BABAM2: variants seen among roughly 807,000 people sequenced by gnomAD.
BABAM2 encodes BRISC and BRCA1-A complex member 2.
BABAM2 carries 31 observed loss-of-function variants against 54.7 expected under a neutral mutation model. The observed-to-expected ratio is 0.57, with a 90% confidence interval of 0.43 to 0.77. The LOEUF is 0.77. Ranked by LOEUF, BABAM2 falls within the 30% of genes least tolerant of loss-of-function variation. The pLI is 0.00. For missense variants in BABAM2, 364 were observed against 455.8 expected, an observed-to-expected ratio of 0.80 and a Z score of 1.83; for synonymous variants, 167 against 162.9, an observed-to-expected ratio of 1.03 and a Z score of -0.19.
intron 6 of BABAM2, among the ~76,000 whole-genome samples, chr2:28,117,491 AG>A (rs1160663031): frequency 2.0e-5 from 3 of 152,204 alleles, no homozygotes; most frequent in African/African-American, 7.2e-5. Flanking sequence ...AACCACAGTA[AG>A]AGCAGGGACA....
At chr2:27,907,930 C>T (rs1297057279) in intron 2 of BABAM2, among the ~76,000 whole-genome samples, 1 of 152,150 alleles carries the variant, frequency 6.6e-6, no homozygotes, top group Admixed American at 6.5e-5. Flanking sequence ...TATTGATAGA[C>T]ACTTGGGTTG....
chr2:27,906,015 G>A (rs754399023), intron 2 of BABAM2, among the ~76,000 whole-genome samples: 4 of 152,158 alleles, frequency 2.6e-5, no homozygotes, highest in Non-Finnish European at 5.9e-5. Context: ...TGTCTTGAGC[G>A]GATACATGCA....
chr2:27,940,942 G>A (rs1328514799), intron 3 of BABAM2, among the ~76,000 whole-genome samples: 1 of 151,890 alleles, frequency 6.6e-6, no homozygotes, highest in Non-Finnish European at 1.5e-5. Context: ...ACCAACCCCC[G>A]ACTTCTGTTT....
At chr2:27,946,145 A>G (rs1202165214) in intron 3 of BABAM2, among the ~76,000 whole-genome samples, 2 of 152,138 alleles carry the variant, frequency 1.3e-5, no homozygotes, top group African/African-American at 2.4e-5. Context: ...CATCAGGTGT[A>G]ATTGTCAGTT....
chr2:28,139,340 A>AAAAAAAAAAAAAAAAAAAAAAG (rs1670839370), intron 7 of BABAM2, among the ~76,000 whole-genome samples: 1 of 129,396 alleles, frequency 7.7e-6, no homozygotes, highest in Non-Finnish European at 1.7e-5. Context: ...AAAAAAAAAA[A>AAAAAAAAAAAAAAAAAAAAAAG]AAAAAGAAAA....
At chr2:27,968,544 G>A (rs938482757) in intron 3 of BABAM2, among the ~76,000 whole-genome samples, 6 of 152,200 alleles carry the variant, frequency 3.9e-5, no homozygotes, top group Non-Finnish European at 5.9e-5. Context: ...CTGGGGCACC[G>A]CCTAGTGGAG....
chr2:28,338,777 A>C lies in BABAM2; in HGVS notation c.*264A>C. 2.4e-6 allele frequency: 1 copy of C among 415,608 alleles called. No individual in the cohort carries two copies. Among genetic ancestry groups the C allele is most frequent in the Non-Finnish European group, 4.4e-6 (1 of 227,226 alleles). 25.7% of individuals were successfully genotyped at this position (415,608 alleles called of 1,614,324 possible). A position where few individuals can be genotyped will look rare whatever the true frequency, so the allele number is the denominator to read the frequency against. ...GTTGGAAGAAATAAACTCACAAATT[A>C]TGGTGCAGTAATTTTCCGGGGAAAG... On this transcript the variant is annotated 3_prime_UTR_variant, in exon 12 of 12. Transcript: ENST00000379624.
chr2:28,179,889 C>G (rs1259570607), intron 7 of BABAM2, among the ~76,000 whole-genome samples: 1 of 151,770 alleles, frequency 6.6e-6, no homozygotes, highest in Non-Finnish European at 1.5e-5. Context: ...CAAAAATATA[C>G]CTAGGAATAA....
intron 3 of BABAM2, among the ~76,000 whole-genome samples, chr2:27,957,055 G>A (rs1670142026): frequency 6.6e-6 from 1 of 152,202 alleles, no homozygotes; most frequent in Admixed American, 6.5e-5. Context: ...GCTACTTAAT[G>A]TTGAAATCAG....
intron 7 of BABAM2, among the ~76,000 whole-genome samples, chr2:28,206,198 A>G (rs77810505): frequency 0.018 from 2,672 of 152,240 alleles, 68 homozygotes; most frequent in African/African-American, 0.061. Flanking sequence ...CATGGTACCT[A>G]TATTCTAGCA....
chr2:28,004,026 C>G (rs893716804), intron 4 of BABAM2, among the ~76,000 whole-genome samples: 1 of 151,344 alleles, frequency 6.6e-6, no homozygotes, highest in Non-Finnish European at 1.5e-5. Flanking sequence ...TGGGATTGCT[C>G]TGCTGTACTT....
intron 2 of BABAM2, among the ~76,000 whole-genome samples, chr2:27,926,922 T>C (rs750580320): frequency 4.6e-5 from 7 of 152,164 alleles, no homozygotes; most frequent in Admixed American, 6.5e-5. Flanking sequence ...ATCTCAAACA[T>C]TTATCATTTA....
At chr2:28,234,513 G>A (rs529065682) in intron 7 of BABAM2, among the ~76,000 whole-genome samples, 1 of 152,244 alleles carries the variant, frequency 6.6e-6, no homozygotes, top group African/African-American at 2.4e-5. Flanking sequence ...ATAATTTAAT[G>A]ACTGATTAAA....
chr2:28,026,966 A>ATT (rs1465333576), intron 5 of BABAM2, among the ~76,000 whole-genome samples: 1 of 85,052 alleles, frequency 1.2e-5, no homozygotes, highest in Non-Finnish European at 2.0e-5. Flanking sequence ...ATAAATATAT[A>ATT]TATAAATATA....
At chr2:27,956,648 G>T (rs1670111358) in intron 3 of BABAM2, among the ~76,000 whole-genome samples, 1 of 152,144 alleles carries the variant, frequency 6.6e-6, no homozygotes, top group African/African-American at 2.4e-5. Context: ...CTTCCAGTGG[G>T]ATAAGGAAGT....
chr2:27,895,664 T>C (rs1318571943), intron 2 of BABAM2, among the ~76,000 whole-genome samples: 1 of 152,178 alleles, frequency 6.6e-6, no homozygotes, highest in African/African-American at 2.4e-5. Context: ...GCTTTGAGAC[T>C]TTGCCAATAC....
At chr2:27,922,031 T>C (rs1426366788) in intron 2 of BABAM2, among the ~76,000 whole-genome samples, 1 of 152,166 alleles carries the variant, frequency 6.6e-6, no homozygotes, top group Non-Finnish European at 1.5e-5. Flanking sequence ...GTTCACCTCC[T>C]GGATATCAGT....
At chr2:28,012,877 A>T (rs1389877073) in intron 4 of BABAM2, among the ~76,000 whole-genome samples, 1 of 152,016 alleles carries the variant, frequency 6.6e-6, no homozygotes, top group African/African-American at 2.4e-5. Flanking sequence ...AGATCAAGAG[A>T]TGTGGTTTAA....
rs900663799 is a variant in BABAM2, at chr2:27,890,773, GT to G, written c.-93del. The G allele has an allele frequency of 6.5e-6, 1 of 152,758 alleles. No individual in the cohort carries two copies. Among genetic ancestry groups the G allele is most frequent in the African/African-American group, 2.4e-5 (1 of 41,452 alleles). The allele number at this position is 152,758 out of a possible 1,614,324, so 9.5% of individuals were successfully genotyped here. On this transcript the variant is annotated 5_prime_UTR_variant, in exon 1 of 12. Coordinates refer to ENST00000379624, the MANE Select transcript of BABAM2 (RefSeq NM_199191.3). The surrounding 1 kb of genome is among the most constrained non-coding windows in gnomAD (Gnocchi z 4.8). ...CCGCGGCGCGCGCGCAGGTCGGTGC[GT>G]CTGTCGGGGGCGCGCTCGGGTACCT...
Sources: gnomAD v4.1 joint callset for allele counts (sites outside exome capture counted in the v4.1 genomes callset) on GRCh38, gnomAD v4.1.1 for gene constraint, Gnocchi (gnomAD v3.1) non-coding constraint, MANE v1.5 for transcripts, NCBI Gene and HGNC (gene_info 2026-07-23, HGNC 2026-07-21) for gene names.